ZBTB20: variants seen among roughly 807,000 people sequenced by gnomAD.
ZBTB20 encodes zinc finger and BTB domain-containing protein 20.
A neutral mutation model predicts 56.9 loss-of-function variants in ZBTB20; 9 were observed. The observed-to-expected ratio is 0.16, with a 90% CI of 0.10 to 0.28. The LOEUF (loss-of-function observed/expected upper bound fraction) is 0.28, where lower values mean the gene tolerates loss of function less well. Ranked by LOEUF, ZBTB20 falls within the 10% of genes least tolerant of loss-of-function variation. ZBTB20 has a pLI of 1.00. For synonymous variants in ZBTB20, 417 were observed against 420.7 expected, an observed-to-expected ratio of 0.99 and a Z score of 0.11; for missense variants, 655 against 1,003.0, an observed-to-expected ratio of 0.65 and a Z score of 4.69.
Position 114,821,035 on chromosome 3 carries a change from C to A in ZBTB20, c.-416-19861G>T, listed in dbSNP as rs528249990. Among the ~76,000 whole-genome samples the A allele has an allele frequency of 2.0e-5, 3 of 152,062 alleles. No homozygotes were observed. In the East Asian group the frequency reaches 5.8e-4, roughly 29 times the overall value. Reference sequence around the variant, plus strand: ...ACCAGCATAGTGAACAGTGTATTTGCGTTTTCACATTTCTTTTCCATGGAA... The same window carrying A: ...ACCAGCATAGTGAACAGTGTATTTGAGTTTTCACATTTCTTTTCCATGGAA... On this transcript the variant is annotated intron_variant, in intron 4 of 11. Coordinates refer to ENST00000675478, the MANE Select transcript of ZBTB20 (RefSeq NM_001348800.3).
intron 6 of ZBTB20, among the ~76,000 whole-genome samples, chr3:114,515,013 G>A (rs1002754151): frequency 9.9e-5 from 15 of 152,266 alleles, no homozygotes; most frequent in Admixed American, 8.5e-4. Flanking sequence ...GGTAATGACA[G>A]CTGCCTTAAA....
At chr3:114,537,126 A>G (rs949437229) in intron 6 of ZBTB20, among the ~76,000 whole-genome samples, 2 of 152,230 alleles carry the variant, frequency 1.3e-5, no homozygotes, top group African/African-American at 4.8e-5. Context: ...AAAAAACCCA[A>G]AACTGACAAA....
intron 6 of ZBTB20, among the ~76,000 whole-genome samples, chr3:114,556,706 T>A (rs532937181): frequency 6.6e-6 from 1 of 152,074 alleles, no homozygotes; most frequent in African/African-American, 2.4e-5. Context: ...AACCTAACTA[T>A]ACTTTTGGTA....
chr3:114,422,258 G>C (rs1457350103), intron 7 of ZBTB20, among the ~76,000 whole-genome samples: 2 of 152,084 alleles, frequency 1.3e-5, no homozygotes, highest in East Asian at 3.9e-4. Flanking sequence ...GGGATTCAAA[G>C]CTCACCTAGA....
chr3:115,141,809 T>C (rs2084818792), intron 1 of ZBTB20, among the ~76,000 whole-genome samples: 1 of 152,214 alleles, frequency 6.6e-6, no homozygotes, highest in South Asian at 2.1e-4. Context: ...TGACTTAAAA[T>C]GCACTGTACA....
intron 4 of ZBTB20, among the ~76,000 whole-genome samples, chr3:114,890,002 G>A (rs897381394): frequency 6.6e-6 from 1 of 152,106 alleles, no homozygotes; most frequent in Non-Finnish European, 1.5e-5. Flanking sequence ...TACAGATGAG[G>A]AAACTGAGCG....
At chr3:115,138,791 G>A (rs1172477267) in intron 1 of ZBTB20, among the ~76,000 whole-genome samples, 1 of 152,074 alleles carries the variant, frequency 6.6e-6, no homozygotes, top group East Asian at 1.9e-4. Context: ...GCTACTATTG[G>A]TGTTGGTGGT....
intron 2 of ZBTB20, among the ~76,000 whole-genome samples, chr3:115,003,753 T>G (rs530265466): frequency 6.6e-6 from 1 of 151,746 alleles, no homozygotes; most frequent in African/African-American, 2.4e-5. Context: ...GCATGTTTCA[T>G]TTTTTTCAAT....
At chr3:114,553,188 G>A (rs2953675) in intron 6 of ZBTB20, among the ~76,000 whole-genome samples, 3,809 of 152,116 alleles carry the variant, frequency 0.025, 153 homozygotes, top group African/African-American at 0.082. Context: ...TGACATATAA[G>A]GACCTTAAGA....
chr3:114,443,540 T>C (rs1034491975), intron 7 of ZBTB20, among the ~76,000 whole-genome samples: 3 of 152,180 alleles, frequency 2.0e-5, no homozygotes, highest in African/African-American at 7.2e-5. Flanking sequence ...AGGATCTTTG[T>C]AGGGAAATAA....
chr3:114,584,922 T>A (rs1377630557), intron 6 of ZBTB20, among the ~76,000 whole-genome samples: 1 of 152,172 alleles, frequency 6.6e-6, no homozygotes, highest in Non-Finnish European at 1.5e-5. Context: ...CCTTGGTGAA[T>A]AAGAGCAGCT....
At chr3:114,935,162 G>A (rs926553838) in intron 3 of ZBTB20, among the ~76,000 whole-genome samples, 8 of 152,148 alleles carry the variant, frequency 5.3e-5, no homozygotes, top group African/African-American at 1.9e-4. Context: ...AAAATACTTT[G>A]AAACAAAGAA....
intron 2 of ZBTB20, among the ~76,000 whole-genome samples, chr3:115,062,421 T>C (rs892252061): frequency 6.6e-6 from 1 of 152,134 alleles, no homozygotes; most frequent in African/African-American, 2.4e-5. Context: ...CAAATGTCCT[T>C]GGTTAAAAGA....
intron 6 of ZBTB20, among the ~76,000 whole-genome samples, chr3:114,562,119 G>A (rs754878896): frequency 6.6e-6 from 1 of 151,888 alleles, no homozygotes; most frequent in Non-Finnish European, 1.5e-5. Flanking sequence ...TAGAATTGAG[G>A]AGTCAGTGCC....
rs1336735109 is a variant in ZBTB20 at position 114,327,284 on chromosome 3, A to T, written c.*11721T>A. ...GGAACTAGAAAGAACAGCATCAAGAAGGCATCCCAGATTGAGGACCAAGTA... is the reference window on the plus strand; with the variant it reads ...GGAACTAGAAAGAACAGCATCAAGATGGCATCCCAGATTGAGGACCAAGTA... On this transcript the variant is annotated 3_prime_UTR_variant, in exon 12 of 12. Coordinates refer to ENST00000675478, the MANE Select transcript of ZBTB20 (RefSeq NM_001348800.3). 6.6e-6 allele frequency: 1 copy of T among 152,188 alleles called. No individual in the cohort carries two copies. Among genetic ancestry groups the T allele is most frequent in the Non-Finnish European group, 1.5e-5 (1 of 68,026 alleles). 9.4% of individuals were successfully genotyped at this position (152,188 alleles called of 1,614,324 possible). A position where few individuals can be genotyped will look rare whatever the true frequency, so the allele number is the denominator to read the frequency against.
At chr3:114,819,072 G>A (rs2073101418) in intron 4 of ZBTB20, among the ~76,000 whole-genome samples, 1 of 151,928 alleles carries the variant, frequency 6.6e-6, no homozygotes, top group African/African-American at 2.4e-5. Flanking sequence ...TGAGGATCAT[G>A]TGGATTATAA....
chr3:114,790,035 A>G (rs2070827130), intron 5 of ZBTB20, among the ~76,000 whole-genome samples: 1 of 152,082 alleles, frequency 6.6e-6, no homozygotes, highest in African/African-American at 2.4e-5. Context: ...AGACATTTTC[A>G]TTAACAAGAA....
At chr3:114,752,132 C>T (rs551178580) in intron 5 of ZBTB20, among the ~76,000 whole-genome samples, 5 of 152,076 alleles carry the variant, frequency 3.3e-5, no homozygotes, top group Middle Eastern at 3.4e-3. Flanking sequence ...AGGTAAGTAC[C>T]GTAAATCCAA....
chr3:114,756,014 C>G (rs1268624978), intron 5 of ZBTB20, among the ~76,000 whole-genome samples: 1 of 152,128 alleles, frequency 6.6e-6, no homozygotes, highest in Non-Finnish European at 1.5e-5. Flanking sequence ...ACTTCTAACT[C>G]CATTTTTATA....
Sources: allele counts gnomAD v4.1 joint callset (sites outside exome capture counted in the v4.1 genomes callset), GRCh38; gene constraint gnomAD v4.1.1; transcripts MANE v1.5; gene names NCBI Gene and HGNC (gene_info 2026-07-23, HGNC 2026-07-21).